Variants in PIGK observed in about 807,000 individuals in gnomAD.
PIGK encodes the protein GPI-anchor transamidase.
A neutral mutation model predicts 50.6 loss-of-function variants in PIGK; 42 were observed. That is an observed-to-expected ratio of 0.83 (90% confidence interval 0.65 to 1.07). The LOEUF is 1.07. Ranked by LOEUF, PIGK falls within the 50% of genes least tolerant of loss-of-function variation. The pLI, the probability that PIGK is intolerant of heterozygous loss-of-function variation, is 0.00. For synonymous variants in PIGK, 151 were observed against 156.0 expected (o/e 0.97, Z 0.24); for missense variants, 448 against 488.7 (o/e 0.92, Z 0.78).
chr1:77,091,362 C>CATGA lies in PIGK; in HGVS notation c.*1008_*1011dup, dbSNP rs1280031714. On this transcript the variant is annotated 3_prime_UTR_variant, in exon 11 of 11. Coordinates refer to ENST00000370812, the MANE Select transcript of PIGK (RefSeq NM_005482.3). ...TGCCTTATAGGATACATCAGCCAGA[C>CATGA]ATGAAGGCTAGGCCATAAGCATACA... The CATGA allele has an allele frequency of 3.3e-5, 5 of 152,320 alleles. No homozygotes were observed. In the East Asian group the frequency reaches 7.7e-4, roughly 23 times the overall value. The allele number at this position is 152,320 out of a possible 1,614,324, so 9.4% of individuals were successfully genotyped here.
At chr1:77,196,437 C>T (rs1031968502) in intron 3 of PIGK, among the ~76,000 whole-genome samples, 1 of 152,178 alleles carries the variant, frequency 6.6e-6, no homozygotes, top group African/African-American at 2.4e-5. Context: ...TACATTCCTA[C>T]CAACAGTGTA....
chr1:77,113,578 A>T (rs964335043), intron 10 of PIGK, among the ~76,000 whole-genome samples: 3 of 151,932 alleles, frequency 2.0e-5, no homozygotes, highest in African/African-American at 7.2e-5. Context: ...AAAGAGATTT[A>T]AAAAAAATAG....
In PIGK at chr1:77,171,705, G is replaced by C. The variant is rs1383018830; in HGVS notation, c.240-2310C>G. Reference sequence around the variant, plus strand: ...GTACTTGGAATAATACGGAAAAAGAGAAGTTGGGAAACAGAATGGATTTCA... The same window carrying C: ...GTACTTGGAATAATACGGAAAAAGACAAGTTGGGAAACAGAATGGATTTCA... On this transcript the variant is annotated intron_variant, in intron 3 of 10. Transcript: ENST00000370812. Among the ~76,000 whole-genome samples the C allele has an allele frequency of 6.6e-5, 10 of 152,046 alleles. No homozygotes were observed. The South Asian group carries it at 2.1e-3, about 31-fold the overall frequency.
chr1:77,146,127 G>A (rs780576514), intron 9 of PIGK, among the ~76,000 whole-genome samples: 3 of 151,948 alleles, frequency 2.0e-5, no homozygotes, highest in Non-Finnish European at 2.9e-5. Flanking sequence ...TGGAATATTT[G>A]GATGTCCATA....
At chr1:77,208,300 T>A (rs1656337732) in intron 2 of PIGK, among the ~76,000 whole-genome samples, 1 of 152,076 alleles carries the variant, frequency 6.6e-6, no homozygotes, top group Non-Finnish European at 1.5e-5. Flanking sequence ...TGTAAAATAT[T>A]GGACAAAAAA....
At chr1:77,140,806 T>C (rs1156759742) in intron 9 of PIGK, among the ~76,000 whole-genome samples, 1 of 152,208 alleles carries the variant, frequency 6.6e-6, no homozygotes, top group African/African-American at 2.4e-5. Flanking sequence ...AAAAGAGAAA[T>C]CATTGTGAAT....
intron 9 of PIGK, among the ~76,000 whole-genome samples, chr1:77,126,417 A>ACAG (rs1259270821): frequency 6.6e-6 from 1 of 152,184 alleles, no homozygotes; most frequent in Non-Finnish European, 1.5e-5. Context: ...TCTCAGTTCA[A>ACAG]CAGCACCCTC....
intron 9 of PIGK, 92 bp downstream of exon 9, chr1:77,154,357 A>G: frequency 1.1e-6 from 1 of 886,454 alleles, no homozygotes; most frequent in Non-Finnish European, 1.8e-6. Flanking sequence ...TTATTTACAA[A>G]CACCAACTTT....
At position 77,122,456 on chromosome 1, in the gene PIGK, C is replaced by T. The variant is rs982628478; in HGVS notation, c.987-97G>A. The T allele has an allele frequency of 1.4e-5, 10 of 691,956 alleles. No individual in the cohort carries two copies. The Admixed American group carries it at 2.5e-4, about 17-fold the overall frequency. The allele number at this position is 691,956 out of a possible 1,614,324, so 42.9% of individuals were successfully genotyped here. ...GTCAAATATGAAATATAGTAAAATG[C>T]ATAGATTTTTTTTGAAATAATCAGT... On this transcript the variant is annotated intron_variant, in intron 9 of 10. Coordinates refer to ENST00000370812, the MANE Select transcript of PIGK (RefSeq NM_005482.3).
At chr1:77,107,623 A>T (rs1039906578) in intron 10 of PIGK, among the ~76,000 whole-genome samples, 1 of 152,124 alleles carries the variant, frequency 6.6e-6, no homozygotes, top group Non-Finnish European at 1.5e-5. Context: ...TGCAGAGCTG[A>T]GTTCAATTCC....
intron 3 of PIGK, among the ~76,000 whole-genome samples, chr1:77,187,442 G>A (rs1655776124): frequency 6.6e-6 from 1 of 152,136 alleles, no homozygotes; most frequent in Admixed American, 6.5e-5. Context: ...TCCAGCAGGA[G>A]GAACACTGAC....
intron 3 of PIGK, among the ~76,000 whole-genome samples, chr1:77,201,134 C>T (rs1452444641): frequency 6.6e-6 from 1 of 152,164 alleles, no homozygotes; most frequent in African/African-American, 2.4e-5. Context: ...TAGGCAAAAG[C>T]TATATGATCA....
At chr1:77,140,289 C>T (rs1293802018) in intron 9 of PIGK, among the ~76,000 whole-genome samples, 1 of 151,924 alleles carries the variant, frequency 6.6e-6, no homozygotes, top group Non-Finnish European at 1.5e-5. Flanking sequence ...AAACCCTTGC[C>T]TTCCTCCCTC....
intron 8 of PIGK, among the ~76,000 whole-genome samples, chr1:77,160,985 G>A (rs1655115442): frequency 6.6e-6 from 1 of 152,146 alleles, no homozygotes; most frequent in Non-Finnish European, 1.5e-5. Context: ...GAAGAATTCG[G>A]GGAGACTTCC....
chr1:77,202,776 A>C lies in PIGK; in HGVS notation c.239+3864T>G, dbSNP rs574165492. On this transcript the variant is annotated intron_variant, in intron 3 of 10. Transcript: ENST00000370812. ...CAATGCATCAGACAGGGATCACTACATAAACTCACATCCACCCAACCTGTA... is the reference window on the plus strand; with the variant it reads ...CAATGCATCAGACAGGGATCACTACCTAAACTCACATCCACCCAACCTGTA... Among the ~76,000 whole-genome samples the C allele has an allele frequency of 2.0e-5, 3 of 152,344 alleles. No individual in the cohort carries two copies. The South Asian group carries it at 6.2e-4, about 32-fold the overall frequency.
At chr1:77,123,679 C>T (rs888000908) in intron 9 of PIGK, among the ~76,000 whole-genome samples, 9 of 151,616 alleles carry the variant, frequency 5.9e-5, no homozygotes, top group South Asian at 2.1e-4. Flanking sequence ...AGGTTCCGTT[C>T]GCAAGATGAA....
At chr1:77,132,874 T>C (rs2100536685) in intron 9 of PIGK, among the ~76,000 whole-genome samples, 1 of 152,240 alleles carries the variant, frequency 6.6e-6, no homozygotes, top group South Asian at 2.1e-4. Context: ...TATTGTTTTA[T>C]GGTTCTGATT....
chr1:77,130,258 T>C (rs1438328328), intron 9 of PIGK, among the ~76,000 whole-genome samples: 1 of 118,524 alleles, frequency 8.4e-6, no homozygotes, highest in African/African-American at 3.4e-5. Flanking sequence ...TTCTATTAGC[T>C]GTGATTTGGG....
chr1:77,139,172 T>C (rs1037778057), intron 9 of PIGK, among the ~76,000 whole-genome samples: 2 of 152,138 alleles, frequency 1.3e-5, no homozygotes, highest in Non-Finnish European at 2.9e-5. Context: ...TATTAGTACA[T>C]GTTAGGCCGT....
Sources: allele counts gnomAD v4.1 joint callset (sites outside exome capture counted in the v4.1 genomes callset), GRCh38; gene constraint gnomAD v4.1.1; transcripts MANE v1.5; gene names NCBI Gene and HGNC (gene_info 2026-07-23, HGNC 2026-07-21).